Variants in SYT16 observed in about 807,000 individuals in gnomAD.
SYT16 encodes the protein synaptotagmin-16.
SYT16 carries 42 observed loss-of-function variants against 61.4 expected under a neutral mutation model. The ratio of observed to expected loss-of-function variants is 0.68; its 90% confidence interval spans 0.53 to 0.89. SYT16 has a LOEUF of 0.89. Among genes scored for constraint, SYT16 ranks in the 40% least tolerant of loss-of-function variants. The pLI, the probability that SYT16 is intolerant of heterozygous loss-of-function variation, is 0.00. For missense variants in SYT16, 804 were observed against 807.3 expected, an observed-to-expected ratio of 1.00 and a Z score of 0.05; for synonymous variants, 314 against 302.3, an observed-to-expected ratio of 1.04 and a Z score of -0.40.
At chr14:61,863,620 A>G in intron 1 of SYT16, among the ~76,000 whole-genome samples, 1 of 152,242 alleles carries the variant, frequency 6.6e-6, no homozygotes. Flanking sequence ...ATTTTAATAA[A>G]GTCCAACTTA....
In SYT16 at chr14:62,078,138, G is replaced by GCT. The variant is rs749939385; in HGVS notation, c.994-2679_994-2678dup. ...CTCTCTCTCTCTCTAGTGCTCTCTC[G>GCT]CTCTCTCTCTCTCTCTCTATATATA... On this transcript the variant is annotated intron_variant, in intron 5 of 7. Transcript: ENST00000683842. 4.4e-3 allele frequency among the ~76,000 whole-genome samples: 590 copies of GCT among 133,540 alleles called. 1 individual carries two copies. Among genetic ancestry groups the GCT allele is most frequent in the African/African-American group, 0.011 (356 of 33,786 alleles). 87.6% of individuals were successfully genotyped at this position (133,540 alleles called of 152,430 possible). A position where few individuals can be genotyped will look rare whatever the true frequency, so the allele number is the denominator to read the frequency against.
intron 1 of SYT16, among the ~76,000 whole-genome samples, chr14:61,851,645 A>T: frequency 6.6e-6 from 1 of 152,078 alleles, no homozygotes; most frequent in African/African-American, 2.4e-5. Context: ...TTTGATTTGC[A>T]TTTCTCTAAT....
chr14:61,934,478 T>C (rs995824831), intron 1 of SYT16, among the ~76,000 whole-genome samples: 1 of 152,232 alleles, frequency 6.6e-6, no homozygotes, highest in African/African-American at 2.4e-5. Context: ...ATTGAGGCAC[T>C]GTTATGCAAA....
At chr14:61,871,406 C>A (rs1302451906) in intron 1 of SYT16, among the ~76,000 whole-genome samples, 1 of 152,072 alleles carries the variant, frequency 6.6e-6, no homozygotes, top group Non-Finnish European at 1.5e-5. Flanking sequence ...AGTGCTTTAC[C>A]CCACAAATTC....
chr14:62,053,516 C>A (rs2055404385), intron 3 of SYT16, among the ~76,000 whole-genome samples: 1 of 152,220 alleles, frequency 6.6e-6, no homozygotes, highest in Non-Finnish European at 1.5e-5. Flanking sequence ...TATAACAAAT[C>A]TTTCTATACA....
intron 4 of SYT16, among the ~76,000 whole-genome samples, chr14:62,073,663 C>T (rs1284095886): frequency 6.6e-6 from 1 of 152,178 alleles, no homozygotes; most frequent in Non-Finnish European, 1.5e-5. Context: ...TGAAGTTCTG[C>T]CCCGAGGATC....
chr14:62,078,155 C>CTCTA lies in SYT16; in HGVS notation c.994-2678_994-2677insCTAT, dbSNP rs766089633. ...GCTCTCTCGCTCTCTCTCTCTCTCTCTATATATATATATATAAACACACAC... is the reference window on the plus strand; with the variant it reads ...GCTCTCTCGCTCTCTCTCTCTCTCTCTCTATATATATATATATATAAACACACAC... On this transcript the variant is annotated intron_variant, in intron 5 of 7. Transcript: ENST00000683842. 1.8e-3 allele frequency among the ~76,000 whole-genome samples: 241 copies of CTCTA among 135,992 alleles called. 1 individual carries two copies. Among genetic ancestry groups the CTCTA allele is most frequent in the Middle Eastern group, 3.8e-3 (1 of 262 alleles). 89.2% of individuals were successfully genotyped at this position (135,992 alleles called of 152,430 possible).
chr14:62,099,159 CT>C (rs1566848314), intron 7 of SYT16, among the ~76,000 whole-genome samples: 1 of 152,118 alleles, frequency 6.6e-6, no homozygotes, highest in African/African-American at 2.4e-5. Flanking sequence ...GTATTGAAGA[CT>C]TTGTTTGTGT....
chr14:61,933,974 AGT>A (rs2049877885), intron 1 of SYT16, among the ~76,000 whole-genome samples: 1 of 152,168 alleles, frequency 6.6e-6, no homozygotes, highest in Non-Finnish European at 1.5e-5. Flanking sequence ...TATATATGAG[AGT>A]GTGTGTATAT....
intron 1 of SYT16, among the ~76,000 whole-genome samples, chr14:61,888,769 TA>T (rs35694977): frequency 0.23 from 24,118 of 104,202 alleles, 2,022 homozygotes; most frequent in East Asian, 0.36. Context: ...CTTCAATTTG[TA>T]AAAAAAAAAA....
At chr14:62,059,805 A>G (rs1159356370) in intron 3 of SYT16, among the ~76,000 whole-genome samples, 3 of 133,952 alleles carry the variant, frequency 2.2e-5, no homozygotes, top group Non-Finnish European at 1.7e-5. Flanking sequence ...CACACACTCA[A>G]TGTGAGATAG....
chr14:62,006,485 A>T (rs2053230872), intron 3 of SYT16, among the ~76,000 whole-genome samples: 1 of 152,146 alleles, frequency 6.6e-6, no homozygotes, highest in South Asian at 2.1e-4. Flanking sequence ...TTTTCTCCAC[A>T]ATAGATTTTA....
chr14:62,059,213 T>A (rs908967545), intron 3 of SYT16, among the ~76,000 whole-genome samples: 1 of 152,116 alleles, frequency 6.6e-6, no homozygotes, highest in African/African-American at 2.4e-5. Context: ...CACGTACCCC[T>A]GAACTTAAAA....
intron 1 of SYT16, among the ~76,000 whole-genome samples, chr14:61,941,616 C>T (rs2050213955): frequency 2.0e-5 from 3 of 152,154 alleles, no homozygotes; most frequent in Admixed American, 6.5e-5. Context: ...CCCCAGCCTG[C>T]GGCATCAAAG....
At chr14:62,016,319 T>C (rs1304407164) in intron 3 of SYT16, among the ~76,000 whole-genome samples, 4 of 152,200 alleles carry the variant, frequency 2.6e-5, no homozygotes, top group Non-Finnish European at 5.9e-5. Context: ...GGCACTATCA[T>C]TCAATATTAG....
chr14:62,017,724 T>G (rs1049061717), intron 3 of SYT16, among the ~76,000 whole-genome samples: 4 of 135,806 alleles, frequency 2.9e-5, no homozygotes, highest in African/African-American at 1.0e-4. Flanking sequence ...CAGTGTGTGG[T>G]TTTTTTTTTT....
chr14:61,834,452 T>TTTTTTA (rs2046059317), intron 1 of SYT16, among the ~76,000 whole-genome samples: 1 of 145,668 alleles, frequency 6.9e-6, no homozygotes, highest in African/African-American at 2.6e-5. Context: ...TTTTTTTTTT[T>TTTTTTA]GAGACAGAGT....
chr14:61,888,186 T>C (rs1475707325), intron 1 of SYT16, among the ~76,000 whole-genome samples: 7 of 151,410 alleles, frequency 4.6e-5, no homozygotes, highest in South Asian at 2.1e-4. Flanking sequence ...GGCGTGATCT[T>C]GGCTCACTGC....
chr14:62,021,380 C>T (rs151054634), intron 3 of SYT16, among the ~76,000 whole-genome samples: 19 of 152,102 alleles, frequency 1.2e-4, no homozygotes, highest in Admixed American at 2.6e-4. Flanking sequence ...TCCTCTTTCT[C>T]AGATGTAGGA....
Sources: gnomAD v4.1 joint callset for allele counts (sites outside exome capture counted in the v4.1 genomes callset) on GRCh38, gnomAD v4.1.1 for gene constraint, MANE v1.5 for transcripts, NCBI Gene and HGNC (gene_info 2026-07-23, HGNC 2026-07-21) for gene names.